Variants in MAPK10 observed in about 807,000 individuals in gnomAD.
MAPK10 encodes the protein mitogen-activated protein kinase 10.
Under a neutral mutation model 59.3 loss-of-function variants are expected in MAPK10, and 25 were observed. The observed-to-expected ratio is 0.42, with a 90% CI of 0.31 to 0.59. MAPK10 has a LOEUF of 0.59. Among genes scored for constraint, MAPK10 ranks in the 20% least tolerant of loss-of-function variants. The probability of loss-of-function intolerance (pLI) is 0.15; values close to 1 mark genes in which losing one functional copy is unlikely to be tolerated. For synonymous variants in MAPK10, 190 were observed against 200.5 expected, an observed-to-expected ratio of 0.95 and a Z score of 0.44; for missense variants, 351 against 568.9, an observed-to-expected ratio of 0.62 and a Z score of 3.90.
intron 2 of MAPK10, among the ~76,000 whole-genome samples, chr4:86,318,143 C>T (rs1436674198): frequency 3.3e-5 from 5 of 152,102 alleles, no homozygotes; most frequent in Admixed American, 6.6e-5. Flanking sequence ...CTCCAAAGAC[C>T]GTCTCTCCAA....
At chr4:86,341,895 C>T (rs1478889027) in intron 2 of MAPK10, among the ~76,000 whole-genome samples, 1 of 151,010 alleles carries the variant, frequency 6.6e-6, no homozygotes, top group African/African-American at 2.4e-5. Flanking sequence ...TCACAATAAC[C>T]TTATGGGAAA....
At chr4:86,296,785 G>T (rs1479515866) in intron 2 of MAPK10, among the ~76,000 whole-genome samples, 1 of 152,194 alleles carries the variant, frequency 6.6e-6, no homozygotes. Flanking sequence ...CATAGTTAAT[G>T]ATGAGAATTT....
chr4:86,512,872 T>C (rs1756383385), intron 1 of MAPK10, among the ~76,000 whole-genome samples: 1 of 152,148 alleles, frequency 6.6e-6, no homozygotes, highest in Admixed American at 6.5e-5. Flanking sequence ...CAAACCAGGA[T>C]AAGAAGTTAA....
intron 11 of MAPK10, among the ~76,000 whole-genome samples, chr4:86,036,774 C>A (rs1009215571): frequency 6.6e-6 from 1 of 152,126 alleles, no homozygotes; most frequent in Admixed American, 6.5e-5. Flanking sequence ...AAAATAGTTC[C>A]ATTTTATGCT....
rs1023854696 is a variant in MAPK10 at position 86,014,709 on chromosome 4, G to A, written c.*2519C>T. Reference sequence around the variant, plus strand: ...GGGAAGGTACTAACAGCGGGGGAGGGGCCCTGTCTAGTTCTTGCCTGGTTT... The same window carrying A: ...GGGAAGGTACTAACAGCGGGGGAGGAGCCCTGTCTAGTTCTTGCCTGGTTT... On this transcript the variant is annotated 3_prime_UTR_variant, in exon 14 of 14. Coordinates refer to ENST00000641462, the MANE Select transcript of MAPK10 (RefSeq NM_138982.4). 3 of 152,154 alleles carry A rather than the reference G, an allele frequency of 2.0e-5. No individual in the cohort carries two copies. The highest frequency in any genetic ancestry group is 6.6e-5 in the Admixed American group (1 of 15,258). The allele number at this position is 152,154 out of a possible 1,614,324, so 9.4% of individuals were successfully genotyped here.
intron 1 of MAPK10, among the ~76,000 whole-genome samples, chr4:86,428,495 G>A (rs1290913473): frequency 2.0e-5 from 3 of 152,026 alleles, no homozygotes; most frequent in Admixed American, 2.0e-4. Flanking sequence ...TTAAAACAGA[G>A]GGGACTTTCC....
intron 2 of MAPK10, among the ~76,000 whole-genome samples, chr4:86,207,978 T>G (rs1216758726): frequency 3.9e-5 from 6 of 152,092 alleles, no homozygotes; most frequent in Non-Finnish European, 8.8e-5. Flanking sequence ...AGATATACAA[T>G]TGAAAATCTA....
At chr4:86,307,716 G>C (rs1305022096) in intron 2 of MAPK10, among the ~76,000 whole-genome samples, 2 of 152,122 alleles carry the variant, frequency 1.3e-5, no homozygotes, top group Non-Finnish European at 2.9e-5. Context: ...TAGATTTGTT[G>C]GGCAAATAGG....
At chr4:86,071,873 G>T (rs964924345) in intron 9 of MAPK10, among the ~76,000 whole-genome samples, 45 of 143,650 alleles carry the variant, frequency 3.1e-4, no homozygotes, top group African/African-American at 1.2e-3. Context: ...TTGGCAATGC[G>T]GGCTCTTTTT....
chr4:86,169,293 G>A (rs2073167654), intron 3 of MAPK10, among the ~76,000 whole-genome samples: 1 of 152,008 alleles, frequency 6.6e-6, no homozygotes, highest in Non-Finnish European at 1.5e-5. Flanking sequence ...TCAAACCAAA[G>A]GCAAAGAAGT....
chr4:86,155,763 G>T (rs1475360808), intron 4 of MAPK10, among the ~76,000 whole-genome samples: 2 of 152,170 alleles, frequency 1.3e-5, no homozygotes, highest in African/African-American at 4.8e-5. Context: ...TCCTCATTAA[G>T]TTGGGAACTT....
At chr4:86,406,436 C>G (rs755040952) in intron 1 of MAPK10, among the ~76,000 whole-genome samples, 5 of 152,110 alleles carry the variant, frequency 3.3e-5, no homozygotes, top group Non-Finnish European at 7.4e-5. Context: ...TACAATAGGG[C>G]TAGTCCCACA....
At chr4:86,328,958 T>C (rs1277140566) in intron 2 of MAPK10, among the ~76,000 whole-genome samples, 1 of 152,106 alleles carries the variant, frequency 6.6e-6, no homozygotes, top group Non-Finnish European at 1.5e-5. Flanking sequence ...CCATGGCACA[T>C]GTGTACCTAT....
intron 4 of MAPK10, among the ~76,000 whole-genome samples, chr4:86,144,789 G>T (rs923393821): frequency 2.6e-5 from 4 of 152,106 alleles, no homozygotes; most frequent in Non-Finnish European, 4.4e-5. Flanking sequence ...TATAATTATT[G>T]CCTTGAGTAA....
At chr4:86,379,378 TG>T (rs770751074) in intron 1 of MAPK10, among the ~76,000 whole-genome samples, 14 of 152,208 alleles carry the variant, frequency 9.2e-5, no homozygotes, top group Non-Finnish European at 2.1e-4. Flanking sequence ...ATTGGAGCTT[TG>T]GGGGTTTCCT....
intron 1 of MAPK10, among the ~76,000 whole-genome samples, chr4:86,430,805 G>A (rs112517542): frequency 0.011 from 1,747 of 152,286 alleles, 11 homozygotes; most frequent in Non-Finnish European, 0.014. Flanking sequence ...CTGCAAACGA[G>A]GCTACAGAGG....
chr4:86,017,486 T>A lies in MAPK10; in HGVS notation c.1253-116A>T. ...AGGGGATGTCCAGTCCATCAATCAT[T>A]TGGCAAGCCTTTATAGAGCAGCTGA... On this transcript the variant is annotated intron_variant, in intron 13 of 13. Coordinates refer to ENST00000641462, the MANE Select transcript of MAPK10 (RefSeq NM_138982.4). This position sits in a 1 kb window ranked among gnomAD's most constrained non-coding sequence, Gnocchi z 4.4. 1.7e-6 allele frequency: 2 copies of A among 1,147,892 alleles called. No individual in the cohort carries two copies. The highest frequency in any genetic ancestry group is 2.5e-6 in the Non-Finnish European group (2 of 790,062). The allele number at this position is 1,147,892 out of a possible 1,614,324, so 71.1% of individuals were successfully genotyped here.
intron 1 of MAPK10, among the ~76,000 whole-genome samples, chr4:86,570,782 A>G (rs574202151): frequency 6.6e-6 from 1 of 152,316 alleles, no homozygotes; most frequent in African/African-American, 2.4e-5. Flanking sequence ...AGTAGGTGAC[A>G]TTTAGTCTGA....
intron 2 of MAPK10, among the ~76,000 whole-genome samples, chr4:86,346,725 T>G (rs1388436030): frequency 1.0e-5 from 1 of 96,526 alleles, no homozygotes; most frequent in Admixed American, 1.2e-4. Context: ...TTAACCCAAG[T>G]TTGTTTGGAA....
Sources: allele counts gnomAD v4.1 joint callset (sites outside exome capture counted in the v4.1 genomes callset), GRCh38; gene constraint gnomAD v4.1.1; non-coding constraint Gnocchi (gnomAD v3.1); transcripts MANE v1.5; gene names NCBI Gene and HGNC (gene_info 2026-07-23, HGNC 2026-07-21).